MSI2: variants seen among roughly 807,000 people sequenced by gnomAD.
The protein encoded by MSI2 is RNA-binding protein Musashi homolog 2.
A neutral mutation model predicts 45.6 loss-of-function variants in MSI2; 17 were observed. The observed-to-expected ratio is 0.37, with a 90% CI of 0.26 to 0.56. MSI2 has a LOEUF of 0.56. Among genes scored for constraint, MSI2 ranks in the 20% least tolerant of loss-of-function variants. The probability of loss-of-function intolerance (pLI) is 0.77; values close to 1 mark genes in which losing one functional copy is unlikely to be tolerated. For synonymous variants in MSI2, 156 were observed against 158.2 expected (o/e 0.99, Z 0.11); for missense variants, 293 against 444.2 (o/e 0.66, Z 3.06).
chr17:57,471,300 T>C (rs2085432573), intron 6 of MSI2, among the ~76,000 whole-genome samples: 1 of 49,204 alleles, frequency 2.0e-5, no homozygotes, highest in South Asian at 7.5e-4. Flanking sequence ...TTTTTTTTTT[T>C]TTTTTTTTCA....
At chr17:57,609,082 C>T (rs1598447486) in intron 8 of MSI2, among the ~76,000 whole-genome samples, 1 of 152,184 alleles carries the variant, frequency 6.6e-6, no homozygotes, top group Non-Finnish European at 1.5e-5. Flanking sequence ...AGGCAAGACA[C>T]TTTACACTTG....
chr17:57,595,389 A>G (rs941142889), intron 7 of MSI2, among the ~76,000 whole-genome samples: 1 of 151,980 alleles, frequency 6.6e-6, no homozygotes, highest in African/African-American at 2.4e-5. Flanking sequence ...AGCCAGGTTC[A>G]TACCTTTGGG....
chr17:57,307,451 GTCTC>G (rs1912015329), intron 5 of MSI2, among the ~76,000 whole-genome samples: 1 of 144,052 alleles, frequency 6.9e-6, no homozygotes, highest in Non-Finnish European at 1.5e-5. Context: ...TTGAGATGGA[GTCTC>G]TCTCTGTTGC....
intron 6 of MSI2, among the ~76,000 whole-genome samples, chr17:57,515,594 T>C (rs944398411): frequency 6.6e-6 from 1 of 152,186 alleles, no homozygotes; most frequent in African/African-American, 2.4e-5. Flanking sequence ...TTAATCCCTC[T>C]AGTGGGCGCT....
chr17:57,343,732 G>A (rs1039307418), intron 5 of MSI2, among the ~76,000 whole-genome samples: 1 of 152,050 alleles, frequency 6.6e-6, no homozygotes, highest in African/African-American at 2.4e-5. Context: ...TAACATTTAG[G>A]TTTTTTTGAT....
At chr17:57,307,474 GA>G (rs1357547338) in intron 5 of MSI2, among the ~76,000 whole-genome samples, 1 of 149,832 alleles carries the variant, frequency 6.7e-6, no homozygotes, top group African/African-American at 2.5e-5. Flanking sequence ...GCCCAGAGTG[GA>G]GTGCAGTGGT....
At chr17:57,419,353 A>G (rs910201092) in intron 6 of MSI2, among the ~76,000 whole-genome samples, 13 of 127,700 alleles carry the variant, frequency 1.0e-4, no homozygotes. Context: ...CTTTAACGCA[A>G]TTATTACATT....
chr17:57,501,785 T>A (rs1417459031), intron 6 of MSI2, among the ~76,000 whole-genome samples: 4 of 152,230 alleles, frequency 2.6e-5, no homozygotes, highest in Non-Finnish European at 5.9e-5. Flanking sequence ...CACAGCCTGC[T>A]CTTATAGACA....
chr17:57,567,857 A>G (rs904275750), intron 7 of MSI2, among the ~76,000 whole-genome samples: 1 of 152,232 alleles, frequency 6.6e-6, no homozygotes, highest in East Asian at 1.9e-4. Context: ...AGGGGAAGGG[A>G]GGAGACAGAA....
At chr17:57,535,230 A>G (rs562647137) in intron 7 of MSI2, among the ~76,000 whole-genome samples, 30 of 152,240 alleles carry the variant, frequency 2.0e-4, no homozygotes, top group African/African-American at 6.5e-4. Context: ...GGGGAAGGGA[A>G]CCCTCCCCAT....
chr17:57,462,755 G>T (rs1023277423), intron 6 of MSI2, among the ~76,000 whole-genome samples: 3 of 152,150 alleles, frequency 2.0e-5, no homozygotes, highest in African/African-American at 7.2e-5. Context: ...GGGAATGTTG[G>T]CCCCCAAAGC....
chr17:57,475,983 G>A (rs775524012), intron 6 of MSI2, among the ~76,000 whole-genome samples: 7 of 152,170 alleles, frequency 4.6e-5, no homozygotes, highest in Non-Finnish European at 7.4e-5. Context: ...TCTCCCTCCC[G>A]ACAATGTCAG....
chr17:57,518,357 C>T (rs979408245), intron 6 of MSI2, among the ~76,000 whole-genome samples: 3 of 152,140 alleles, frequency 2.0e-5, no homozygotes, highest in African/African-American at 2.4e-5. Context: ...GCTGCAGCTA[C>T]GCTTGTCACC....
chr17:57,331,172 C>T (rs1438390837), intron 5 of MSI2, among the ~76,000 whole-genome samples: 2 of 152,152 alleles, frequency 1.3e-5, no homozygotes, highest in Non-Finnish European at 2.9e-5. Context: ...CCTCGGCCTC[C>T]GAAAGTGCTG....
At position 57,262,183 on chromosome 17, in the gene MSI2, G is replaced by T. The variant is rs574167789; in HGVS notation, c.303G>T (p.Ala101=). Residue 101 remains alanine, a synonymous_variant, in exon 5 of 14, where the codon GCG becomes GCT. Coordinates refer to ENST00000284073, the MANE Select transcript of MSI2 (RefSeq NM_138962.4). ...IDPKVAFPRR[A]QPKMVTRTKK... ...CCAAAGTTGCATTTCCTCGTCGAGC[G>T]CAACCCAAGGTAAGTAGGAGAATAA... 6.2e-7 allele frequency: 1 copy of T among 1,613,682 alleles called. No individual in the cohort carries two copies. Among genetic ancestry groups the T allele is most frequent in the Admixed American group, 1.7e-5 (1 of 59,982 alleles).
chr17:57,597,128 C>A (rs892093519), intron 8 of MSI2, among the ~76,000 whole-genome samples, 178 bp downstream of exon 8: 2 of 151,914 alleles, frequency 1.3e-5, no homozygotes, highest in Non-Finnish European at 2.9e-5. Context: ...GGTGGACAAA[C>A]TCTGTAAAGG....
rs140072469 is a variant in MSI2, at chr17:57,552,920, G to A, written c.454+23196G>A. On this transcript the variant is annotated intron_variant, in intron 7 of 13. Coordinates refer to ENST00000284073, the MANE Select transcript of MSI2 (RefSeq NM_138962.4). The surrounding 1 kb of genome is among the most constrained non-coding windows in gnomAD (Gnocchi z 4.3). Reference sequence around the variant, plus strand: ...CCAAGCTTTTTAGGGCTGATGTGGCGTGGGCTGGGAGACTTCTCTTTTGAG... The same window carrying A: ...CCAAGCTTTTTAGGGCTGATGTGGCATGGGCTGGGAGACTTCTCTTTTGAG... 2.6e-5 allele frequency among the ~76,000 whole-genome samples: 4 copies of A among 152,300 alleles called. No homozygotes were observed. Among genetic ancestry groups the A allele is most frequent in the Non-Finnish European group, 4.4e-5 (3 of 68,020 alleles).
rs1025179202 is a variant in MSI2 at position 57,552,710 on chromosome 17, G to C, written c.454+22986G>C. On this transcript the variant is annotated intron_variant, in intron 7 of 13. Transcript: ENST00000284073. The surrounding 1 kb of genome is among the most constrained non-coding windows in gnomAD (Gnocchi z 4.3). ...CCCAACCCTCTCTGAGCCCCAACAT[G>C]GGGGAACACTGGTCTCTTCTTTCTG... is the stretch of plus-strand genomic sequence containing the variant. Among the ~76,000 whole-genome samples the C allele has an allele frequency of 6.6e-6, 1 of 152,214 alleles. No homozygotes were observed. Among genetic ancestry groups the C allele is most frequent in the Non-Finnish European group, 1.5e-5 (1 of 68,048 alleles).
At chr17:57,349,964 A>G (rs1915886390) in intron 5 of MSI2, among the ~76,000 whole-genome samples, 1 of 152,196 alleles carries the variant, frequency 6.6e-6, no homozygotes, top group South Asian at 2.1e-4. Context: ...TCTCTCAAAT[A>G]CATCCTCCTT....
Sources: allele counts gnomAD v4.1 joint callset (sites outside exome capture counted in the v4.1 genomes callset), GRCh38; gene constraint gnomAD v4.1.1; non-coding constraint Gnocchi (gnomAD v3.1); transcripts MANE v1.5; gene names NCBI Gene and HGNC (gene_info 2026-07-23, HGNC 2026-07-21).